CHD9: variants seen among roughly 807,000 people sequenced by gnomAD.
The protein encoded by CHD9 is chromodomain helicase DNA binding protein 9, also known as ATP-dependent chromatin remodeler CHD9.
In CHD9, 77 loss-of-function variants were observed where a neutral mutation model predicts 316.1. That is an observed-to-expected ratio of 0.24 (90% CI 0.20 to 0.29). CHD9 has a LOEUF of 0.29. Among genes scored for constraint, CHD9 ranks in the 10% least tolerant of loss-of-function variants. The probability of loss-of-function intolerance (pLI) is 1.00; values close to 1 mark genes in which losing one functional copy is unlikely to be tolerated. For missense variants in CHD9, 2,763 were observed against 3,438.1 expected (o/e 0.80, Z 4.91); for synonymous variants, 1,129 against 1,158.3 (o/e 0.97, Z 0.51).
At chr16:53,149,531 C>A (rs1468753255) in intron 1 of CHD9, among the ~76,000 whole-genome samples, 3 of 148,960 alleles carry the variant, frequency 2.0e-5, no homozygotes, top group Non-Finnish European at 4.4e-5. Context: ...TAATATCCTT[C>A]TTTGTCTCTT....
chr16:53,245,585 T>C lies in CHD9; in HGVS notation c.3199-10T>C. On this transcript the variant is annotated splice_polypyrimidine_tract_variant and intron_variant, in intron 14 of 38. Transcript: ENST00000447540. This position sits in a 1 kb window ranked among gnomAD's most constrained non-coding sequence, Gnocchi z 4.1. ...TTATGTTATATGTCTTTTTATCATT[T>C]TTTATTCAGGTACAGAAACTTCAGG... The C allele has an allele frequency of 6.5e-7, 1 of 1,544,400 alleles. No individual in the cohort carries two copies. Among genetic ancestry groups the C allele is most frequent in the Non-Finnish European group, 8.7e-7 (1 of 1,150,138 alleles).
In CHD9 at chr16:53,231,505, G is replaced by A; in HGVS notation, c.2373G>A (p.Glu791=). Residue 791 remains glutamate (E), a splice_region_variant and synonymous_variant, in exon 9 of 39, where the codon GAG becomes GAA. Transcript: ENST00000447540. ...TTTGTGAAGATAAGGATACTGGTGA[G>A]GTAAATATATGGTAAAAAGATTTTT... is the stretch of plus-strand genomic sequence containing the variant. ...VSFCEDKDTG[E]PVIYYLVKWC... 6.4e-7 allele frequency: 1 copy of A among 1,550,934 alleles called. No homozygotes were observed. Among genetic ancestry groups the A allele is most frequent in the Non-Finnish European group, 8.8e-7 (1 of 1,130,726 alleles).
chr16:53,144,679 C>A (rs563487945), intron 1 of CHD9, among the ~76,000 whole-genome samples: 234 of 152,164 alleles, frequency 1.5e-3, no homozygotes, highest in African/African-American at 5.5e-3. Flanking sequence ...CAGGCGCCCA[C>A]TATGCCCAGC....
intron 3 of CHD9, among the ~76,000 whole-genome samples, chr16:53,217,410 C>G (rs1485975928): frequency 6.6e-6 from 1 of 152,140 alleles, no homozygotes; most frequent in Admixed American, 6.5e-5. Context: ...TGTGCCATCA[C>G]GCCTAGCTGA....
chr16:53,241,947 C>T (rs544499247), intron 12 of CHD9, among the ~76,000 whole-genome samples: 8 of 152,298 alleles, frequency 5.3e-5, no homozygotes, highest in East Asian at 1.9e-4. Context: ...TTTCAAGTCC[C>T]GCAGTCGGCT....
chr16:53,165,983 G>A (rs2042246323), intron 2 of CHD9, among the ~76,000 whole-genome samples: 1 of 152,044 alleles, frequency 6.6e-6, no homozygotes, highest in African/African-American at 2.4e-5. Flanking sequence ...CATTTGGCAT[G>A]GTATTACTTA....
chr16:53,310,293 T>C (rs1344668539), intron 34 of CHD9, among the ~76,000 whole-genome samples: 1 of 152,254 alleles, frequency 6.6e-6, no homozygotes, highest in South Asian at 2.1e-4. Flanking sequence ...AATTATACCT[T>C]ACAATTAACA....
At chr16:53,286,512 A>T (rs1054645178) in intron 26 of CHD9, among the ~76,000 whole-genome samples, 169 bp downstream of exon 26, 1 of 152,220 alleles carries the variant, frequency 6.6e-6, no homozygotes, top group Non-Finnish European at 1.5e-5. Context: ...ATCCAACAGA[A>T]TGTGATCGAG....
intron 2 of CHD9, among the ~76,000 whole-genome samples, chr16:53,207,628 T>C (rs1353255526): frequency 6.6e-6 from 1 of 151,632 alleles, no homozygotes; most frequent in East Asian, 1.9e-4. Context: ...GCATGACCTC[T>C]TTAACCCTTT....
chr16:53,226,892 G>C (rs1260396449), intron 5 of CHD9, among the ~76,000 whole-genome samples: 3 of 152,156 alleles, frequency 2.0e-5, no homozygotes, highest in Admixed American at 2.0e-4. Flanking sequence ...CCTTTGTCTG[G>C]ATTTTCTGGC....
intron 13 of CHD9, among the ~76,000 whole-genome samples, chr16:53,243,275 G>T (rs965629876): frequency 6.6e-6 from 1 of 152,066 alleles, no homozygotes; most frequent in Admixed American, 6.6e-5. Flanking sequence ...TATAGAGTAT[G>T]TACTATTTAA....
Position 53,288,173 on chromosome 16 carries a change from C to G in CHD9, c.5247+159C>G, listed in dbSNP as rs565240347. Among the ~76,000 whole-genome samples, 31 of 152,192 alleles carry G rather than the reference C, an allele frequency of 2.0e-4. 1 individual carries two copies. The highest frequency in any genetic ancestry group is 4.0e-4 in the Non-Finnish European group (27 of 68,032). On this transcript the variant is annotated intron_variant, in intron 27 of 38. Coordinates refer to ENST00000447540, the MANE Select transcript of CHD9 (RefSeq NM_001308319.2). Reference sequence around the variant, plus strand: ...GATCAACTTGGGTTGACAAACATCTCAAATAATCACTCAGAATTCACCTGA... The same window carrying G: ...GATCAACTTGGGTTGACAAACATCTGAAATAATCACTCAGAATTCACCTGA...
chr16:53,114,933 GAT>G (rs2038175306), intron 1 of CHD9, among the ~76,000 whole-genome samples: 2 of 152,102 alleles, frequency 1.3e-5, no homozygotes, highest in South Asian at 4.1e-4. Context: ...TTGATTGATT[GAT>G]TGATTGATTG....
chr16:53,267,003 T>A (rs963166575), intron 20 of CHD9, among the ~76,000 whole-genome samples: 6 of 152,178 alleles, frequency 3.9e-5, no homozygotes, highest in African/African-American at 1.4e-4. Context: ...TTATAAGGCA[T>A]AAATTCAGTT....
At chr16:53,206,274 G>A (rs2045889322) in intron 2 of CHD9, among the ~76,000 whole-genome samples, 2 of 151,122 alleles carry the variant, frequency 1.3e-5, no homozygotes, top group Non-Finnish European at 2.9e-5. Flanking sequence ...TTTCTTGGTC[G>A]AGAAACCAAG....
At chr16:53,315,709 G>A (rs1597990421) in intron 36 of CHD9, among the ~76,000 whole-genome samples, 1 of 152,002 alleles carries the variant, frequency 6.6e-6, no homozygotes. Context: ...CAAACTCCTG[G>A]CCTCAAGCAA....
intron 2 of CHD9, among the ~76,000 whole-genome samples, chr16:53,170,876 C>A (rs2042660836): frequency 6.6e-6 from 1 of 151,944 alleles, no homozygotes; most frequent in South Asian, 2.1e-4. Context: ...GAACACTTAT[C>A]ATAAATAATA....
chr16:53,209,668 C>A lies in CHD9; in HGVS notation c.1639C>A (p.Arg547=), dbSNP rs780333754. ...GGAGCGTGGGGAACGCAATATTCCA[C>A]GAGTAATGAGCCCTGAAAACTTTCC... ...AKERGERNIP[R]VMSPENFPTA... The change falls in exon 3 of 39, where the codon CGA becomes AGA. Residue 547 remains arginine, a synonymous_variant. Transcript: ENST00000447540. 1.9e-6 allele frequency: 3 copies of A among 1,613,564 alleles called. No individual in the cohort carries two copies. The highest frequency in any genetic ancestry group is 1.3e-5 in the African/African-American group (1 of 74,840).
At chr16:53,129,593 G>A (rs1270569889) in intron 1 of CHD9, among the ~76,000 whole-genome samples, 1 of 152,216 alleles carries the variant, frequency 6.6e-6, no homozygotes, top group Non-Finnish European at 1.5e-5. Flanking sequence ...TTCTGGCTAG[G>A]CATAAACAAG....
Sources: allele counts gnomAD v4.1 joint callset (sites outside exome capture counted in the v4.1 genomes callset), GRCh38; gene constraint gnomAD v4.1.1; non-coding constraint Gnocchi (gnomAD v3.1); transcripts MANE v1.5; gene names NCBI Gene and HGNC (gene_info 2026-07-23, HGNC 2026-07-21).